ASB2: variants seen among roughly 807,000 people sequenced by gnomAD.
ASB2 encodes ankyrin repeat and SOCS box containing 2.
In ASB2, 58 loss-of-function variants were observed where a neutral mutation model predicts 62.4. The ratio of observed to expected loss-of-function variants is 0.93; its 90% CI spans 0.75 to 1.16. ASB2 has a LOEUF of 1.16. Ranked by LOEUF, ASB2 falls within the 50% of genes most tolerant of loss-of-function variation. The pLI is 0.00. For synonymous variants in ASB2, 386 were observed against 385.3 expected (o/e 1.00, Z -0.02); for missense variants, 928 against 887.9 (o/e 1.05, Z -0.57).
Position 93,954,396 on chromosome 14 carries a change from C to A in ASB2, c.399G>T (p.Glu133Asp). The A allele has an allele frequency of 6.2e-7, 1 of 1,614,146 alleles. No homozygotes were observed. The highest frequency in any genetic ancestry group is 8.5e-7 in the Non-Finnish European group (1 of 1,179,976). ...TMIKEGKNLAEPNKEGWLPLH... is the reference protein window; with the variant it reads ...TMIKEGKNLADPNKEGWLPLH... Reference sequence around the variant, plus strand: ...GCGGCAGCCAGCCCTCCTTGTTGGGCTCTGCGAGATTCTTCCCTTCCTTGA... The same window carrying A: ...GCGGCAGCCAGCCCTCCTTGTTGGGATCTGCGAGATTCTTCCCTTCCTTGA... The change falls in exon 4 of 10, where the codon GAG becomes GAT. Residue 133 changes from glutamate (E) to aspartate (D), a missense_variant. By Grantham distance (45) the Glu-to-Asp change is conservative. Transcript: ENST00000555019.
intron 1 of ASB2, among the ~76,000 whole-genome samples, chr14:93,972,480 T>G (rs1236268085): frequency 1.3e-5 from 2 of 152,284 alleles, no homozygotes; most frequent in East Asian, 3.9e-4. Context: ...GGTTGCCTCA[T>G]TTTACTTTTT....
At position 93,947,414 on chromosome 14, in the gene ASB2, G is replaced by C. The variant is rs149110212; in HGVS notation, c.987C>G (p.Asp329Glu). ...AGCCGTCCTTGTTGGTCTTGTTGGC[G>C]TCGGCACCCTGTGACAGCAGAAACT... is the stretch of plus-strand genomic sequence containing the variant. The part of the protein sequence containing the change: ...VVEFLLSQGA[D>E]ANKTNKDGLL... The change falls in exon 7 of 10, where the codon GAC becomes GAG. Residue 329 changes from aspartate to glutamate, a missense_variant. Transcript: ENST00000555019. The C allele has an allele frequency of 6.2e-7, 1 of 1,614,234 alleles. No homozygotes were observed. Among genetic ancestry groups the C allele is most frequent in the Admixed American group, 1.7e-5 (1 of 60,034 alleles).
In ASB2 at chr14:93,947,565, G is replaced by A. The variant is rs899907358; in HGVS notation, c.881-45C>T. On this transcript the variant is annotated intron_variant, in intron 6 of 9. Transcript: ENST00000555019. The stretch of plus-strand genomic sequence containing the variant: ...CAGCAAGTGGCCAAGTGACCGGGAA[G>A]TTGCTGTCCTCAATGTAACGCCACC... 4.4e-6 allele frequency: 7 copies of A among 1,602,642 alleles called. No individual in the cohort carries two copies. The African/African-American group carries it at 5.3e-5, about 12-fold the overall frequency.
chr14:93,951,736 C>T (rs1315708414), intron 5 of ASB2, among the ~76,000 whole-genome samples: 3 of 152,218 alleles, frequency 2.0e-5, no homozygotes, highest in African/African-American at 4.8e-5. Flanking sequence ...TGCTTCAGTC[C>T]TCCACATTAC....
At chr14:93,962,028 A>G (rs1889423469) in intron 2 of ASB2, among the ~76,000 whole-genome samples, 1 of 151,840 alleles carries the variant, frequency 6.6e-6, no homozygotes. Flanking sequence ...TTTTGTAAAC[A>G]TTAAGTGAAT....
chr14:93,938,734 T>C (rs1888374837), intron 8 of ASB2, among the ~76,000 whole-genome samples: 1 of 152,190 alleles, frequency 6.6e-6, no homozygotes, highest in African/African-American at 2.4e-5. Flanking sequence ...CGCTCCATCA[T>C]TGGTTCCTTA....
At chr14:93,938,770 G>C (rs1372172681) in intron 8 of ASB2, among the ~76,000 whole-genome samples, 3 of 152,200 alleles carry the variant, frequency 2.0e-5, no homozygotes, top group Non-Finnish European at 4.4e-5. Context: ...TGGACCACAA[G>C]AAGGATTTCA....
rs1359521319 is a variant in ASB2 at position 93,964,505 on chromosome 14, C to T, written c.35G>A (p.Cys12Tyr). 6.5e-7 allele frequency: 1 copy of T among 1,536,124 alleles called. No homozygotes were observed. Among genetic ancestry groups the T allele is most frequent in the South Asian group, 1.2e-5 (1 of 84,056 alleles). ...ATQISTRGSQ[C>Y]TIGQEEYSLY... The stretch of plus-strand genomic sequence containing the variant: ...GCTGTACTCCTCCTGCCCAATGGTA[C>T]ACTGGCTGCCCCGAGTGCTGATCTG... The change falls in exon 2 of 10, where the codon TGT becomes TAT. Residue 12 changes from cysteine (C) to tyrosine (Y), a missense_variant. Physicochemically the swap from Cys to Tyr is radical, Grantham distance 194. Transcript: ENST00000555019.
intron 9 of ASB2, 74 bp downstream of exon 9, chr14:93,937,624 G>T: frequency 1.4e-6 from 2 of 1,463,850 alleles, no homozygotes; most frequent in Non-Finnish European, 9.3e-7. Flanking sequence ...AGGAACAGTC[G>T]CACTCCCTGA....
At chr14:93,960,701 A>T (rs1889377885) in intron 2 of ASB2, among the ~76,000 whole-genome samples, 1 of 152,100 alleles carries the variant, frequency 6.6e-6, no homozygotes, top group South Asian at 2.1e-4. Flanking sequence ...ATCCTCATCA[A>T]ATTCTGTGCC....
chr14:93,951,144 A>G lies in ASB2; in HGVS notation c.735T>C (p.Ser245=). ...TGACCTCCAGGTCATTGCGAGACAC[A>G]GACTCGTGCAGAGCGGTCCAGCCGC... ...CNRGWTALHE[S]VSRNDLEVMQ... is the part of the protein sequence containing the mutation. The change falls in exon 6 of 10, where the codon TCT becomes TCC. Residue 245 remains serine (S), a synonymous_variant. Coordinates refer to ENST00000555019, the MANE Select transcript of ASB2 (RefSeq NM_001202429.2). 6.2e-7 allele frequency: 1 copy of G among 1,614,198 alleles called. No homozygotes were observed. The highest frequency in any genetic ancestry group is 2.2e-5 in the East Asian group (1 of 44,884).
intron 2 of ASB2, chr14:93,957,474 G>A (rs1889267772): frequency 1.2e-6 from 1 of 834,792 alleles, no homozygotes; most frequent in Admixed American, 5.9e-5. Context: ...CAGGGCTGCA[G>A]TCAGACAGAC....
chr14:93,966,982 G>A (rs958808207), intron 1 of ASB2, among the ~76,000 whole-genome samples: 2 of 152,220 alleles, frequency 1.3e-5, no homozygotes, highest in Non-Finnish European at 2.9e-5. Context: ...GATGCTTGGA[G>A]TGCTGTTATT....
In ASB2 at chr14:93,953,491, G is replaced by T; in HGVS notation, c.495C>A (p.Ile165=). 1 of 1,595,816 alleles carries T rather than the reference G, an allele frequency of 6.3e-7. No individual in the cohort carries two copies. The highest frequency in any genetic ancestry group is 8.6e-7 in the Non-Finnish European group (1 of 1,166,152). ...KVLQRAYPGT[I]DQRTLQEETA... is the part of the protein sequence containing the mutation. ...TTTCCTCCTGCAGGGTGCGCTGGTC[G>T]ATGGTCCCTGGGTACGCTAGGGAGG... Residue 165 remains isoleucine, a synonymous_variant, in exon 5 of 10, where the codon ATC becomes ATA. Transcript: ENST00000555019.
Position 93,953,435 on chromosome 14 carries a change from T to C in ASB2, c.551A>G (p.His184Arg). 6.2e-7 allele frequency: 1 copy of C among 1,609,706 alleles called. No homozygotes were observed. The highest frequency in any genetic ancestry group is 8.5e-7 in the Non-Finnish European group (1 of 1,176,492). The change falls in exon 5 of 10, where the codon CAC (histidine) becomes CGC (arginine). Residue 184 changes from histidine (H) to arginine (R), a missense_variant. Transcript: ENST00000555019. ...TAVYLATCRG[H>R]LDCLLSLLQA... ...GAGCAGTGACAGGAGACAGTCCAGGTGGCCCCTGCACGTTGCCAAGTAAAC... is the reference window on the plus strand; with the variant it reads ...GAGCAGTGACAGGAGACAGTCCAGGCGGCCCCTGCACGTTGCCAAGTAAAC...
intron 6 of ASB2, among the ~76,000 whole-genome samples, chr14:93,947,795 A>G (rs1888791942): frequency 6.6e-6 from 1 of 151,962 alleles, no homozygotes; most frequent in African/African-American, 2.4e-5. Flanking sequence ...GGAGTTCGAG[A>G]CCAGCCCGGC....
At chr14:93,972,718 G>A (rs1254255749) in intron 1 of ASB2, among the ~76,000 whole-genome samples, 2 of 152,204 alleles carry the variant, frequency 1.3e-5, no homozygotes, top group African/African-American at 2.4e-5. Flanking sequence ...CCTTGGTAAG[G>A]AAGGGGGGAT....
At chr14:93,952,252 C>CACAT (rs1259845983) in intron 5 of ASB2, among the ~76,000 whole-genome samples, 1 of 152,246 alleles carries the variant, frequency 6.6e-6, no homozygotes, top group Non-Finnish European at 1.5e-5. Flanking sequence ...TAGTGCTTGG[C>CACAT]ACATAGTAGG....
At position 93,940,018 on chromosome 14, in the gene ASB2, C is replaced by G. The variant is rs558713493; in HGVS notation, c.1053-346G>C. On this transcript the variant is annotated intron_variant, in intron 7 of 9. Coordinates refer to ENST00000555019, the MANE Select transcript of ASB2 (RefSeq NM_001202429.2). ...TCTTAAAAACCTCAGCCAGACTGCA[C>G]TAGGGTTTCAAGAAGCTCCCACTAA... The G allele has an allele frequency of 2.8e-5, 8 of 286,468 alleles. No individual in the cohort carries two copies. In the East Asian group the frequency reaches 4.8e-4, roughly 17 times the overall value. The allele number at this position is 286,468 out of a possible 1,614,324, so 17.7% of individuals were successfully genotyped here.
Sources: gnomAD v4.1 joint callset for allele counts (sites outside exome capture counted in the v4.1 genomes callset) on GRCh38, gnomAD v4.1.1 for gene constraint, MANE v1.5 for transcripts, NCBI Gene and HGNC (gene_info 2026-07-23, HGNC 2026-07-21) for gene names.